Variants in XKR7 observed in about 807,000 individuals in gnomAD.
XKR7 encodes XK related 7.
Under a neutral mutation model 42.2 loss-of-function variants are expected in XKR7, and 11 were observed. That is an observed-to-expected ratio of 0.26 (90% CI 0.16 to 0.43). The LOEUF is 0.43. XKR7 is among the 20% of genes least tolerant of loss of function. The pLI, the probability that XKR7 is intolerant of heterozygous loss-of-function variation, is 1.00. For missense variants in XKR7, 710 were observed against 802.2 expected, an observed-to-expected ratio of 0.89 and a Z score of 1.39; for synonymous variants, 346 against 366.4, an observed-to-expected ratio of 0.94 and a Z score of 0.64.
Position 31,997,200 on chromosome 20 carries a change from A to AC in XKR7, c.1488dup (p.Thr497HisfsTer30). On this transcript the variant is annotated frameshift_variant, in exon 3 of 3. Coordinates refer to ENST00000562532, the MANE Select transcript of XKR7 (RefSeq NM_001011718.2). LOFTEE classifies it high-confidence loss of function. Reference sequence around the variant, plus strand: ...GGCCTCGGCGGGAGAGCGTGCAGGGACCCCCACCCCACCTGTCTTCCAGGT... The same window carrying AC: ...GGCCTCGGCGGGAGAGCGTGCAGGGACCCCCCACCCCACCTGTCTTCCAGGT... 1 of 1,608,086 alleles carries AC rather than the reference A, an allele frequency of 6.2e-7. No individual in the cohort carries two copies.
At position 31,997,345 on chromosome 20, in the gene XKR7, G is replaced by T; in HGVS notation, c.1628G>T (p.Arg543Leu). The change falls in exon 3 of 3, where the codon CGG becomes CTG. Residue 543 changes from arginine (R) to leucine (L), a missense_variant. By Grantham distance (102) the Arg-to-Leu change is moderately radical. This residue lies in a region of XKR7 where 708 missense variants were observed against 786.2 expected (regional missense o/e 0.90). Coordinates refer to ENST00000562532, the MANE Select transcript of XKR7 (RefSeq NM_001011718.2). ...TGGGATGCTCATTTTATTGACCGCC[G>T]GCTCCGGAAGACCATCCTGGCACTG... ...PAWDAHFIDR[R>L]LRKTILALEY... 2 of 1,606,234 alleles carry T rather than the reference G, an allele frequency of 1.2e-6. No homozygotes were observed.
At chr20:31,976,573 CG>C (rs1428194488) in intron 1 of XKR7, among the ~76,000 whole-genome samples, 3 of 151,948 alleles carry the variant, frequency 2.0e-5, no homozygotes, top group Admixed American at 6.6e-5. Flanking sequence ...TTAGTAGAAA[CG>C]GGGTTTCACC....
chr20:31,994,729 G>A (rs2064583162), intron 1 of XKR7, among the ~76,000 whole-genome samples: 1 of 152,050 alleles, frequency 6.6e-6, no homozygotes, highest in Non-Finnish European at 1.5e-5. Flanking sequence ...AGTAAGGGTC[G>A]GGTAACAGGG....
chr20:31,999,028 CA>C lies in XKR7; in HGVS notation c.*1572del, dbSNP rs11477689. ...CTCTAGCAGAGCTGGGAACCCAACC[CA>C]CCCCCCACCCCCCCACACACACACT... is the stretch of plus-strand genomic sequence containing the variant. On this transcript the variant is annotated 3_prime_UTR_variant, in exon 3 of 3. Transcript: ENST00000562532. The C allele has an allele frequency of 0.37, 48,266 of 132,034 alleles. 7,624 individuals carry two copies. Among genetic ancestry groups the C allele is most frequent in the African/African-American group, 0.56 (19,324 of 34,542 alleles). 8.2% of individuals were successfully genotyped at this position (132,034 alleles called of 1,614,324 possible).
chr20:31,998,342 T>C lies in XKR7; in HGVS notation c.*885T>C, dbSNP rs1319684114. The C allele has an allele frequency of 6.6e-6, 1 of 152,158 alleles. No individual in the cohort carries two copies. Among genetic ancestry groups the C allele is most frequent in the Admixed American group, 6.5e-5 (1 of 15,278 alleles). 9.4% of individuals were successfully genotyped at this position (152,158 alleles called of 1,614,324 possible). On this transcript the variant is annotated 3_prime_UTR_variant, in exon 3 of 3. Coordinates refer to ENST00000562532, the MANE Select transcript of XKR7 (RefSeq NM_001011718.2). ...CAGATAAGATGTCTGGAAAGATCTC[T>C]GGGCTCAAGTGCAGGTGAGGTTTTA...
At chr20:31,971,562 C>T (rs945311278) in intron 1 of XKR7, among the ~76,000 whole-genome samples, 1 of 152,174 alleles carries the variant, frequency 6.6e-6, no homozygotes, top group Non-Finnish European at 1.5e-5. Flanking sequence ...TTGCTTACCA[C>T]GTGAGATGTT....
intron 1 of XKR7, among the ~76,000 whole-genome samples, chr20:31,990,685 T>C (rs1293927310): frequency 1.3e-5 from 2 of 152,254 alleles, no homozygotes; most frequent in African/African-American, 4.8e-5. Context: ...CAAATTGTAG[T>C]TGACTGGCTG....
chr20:31,971,495 T>C (rs1445461495), intron 1 of XKR7, among the ~76,000 whole-genome samples: 5 of 152,162 alleles, frequency 3.3e-5, no homozygotes. Flanking sequence ...AGAGAAGGTA[T>C]AGAGAAGCTG....
chr20:31,975,100 G>A (rs2064479483), intron 1 of XKR7, among the ~76,000 whole-genome samples: 2 of 152,098 alleles, frequency 1.3e-5, no homozygotes, highest in East Asian at 1.9e-4. Context: ...AGCATCTGGG[G>A]CGCAGGTCCC....
intron 1 of XKR7, among the ~76,000 whole-genome samples, chr20:31,990,143 C>A (rs1167545645): frequency 6.6e-6 from 1 of 151,868 alleles, no homozygotes; most frequent in Non-Finnish European, 1.5e-5. Context: ...TCTATGGACA[C>A]CCTTTATAGT....
intron 1 of XKR7, among the ~76,000 whole-genome samples, chr20:31,992,116 T>TCAAAACAAAA (rs60216803): frequency 0.026 from 4,021 of 152,044 alleles, 172 homozygotes; most frequent in African/African-American, 0.09. Context: ...AAACTCTGTC[T>TCAAAACAAAA]CAAAACAAAA....
chr20:31,992,143 C>CAAAAACAAACAAAAAA (rs962636706), intron 1 of XKR7, among the ~76,000 whole-genome samples: 3 of 151,636 alleles, frequency 2.0e-5, no homozygotes, highest in African/African-American at 7.3e-5. Context: ...AAAACAAAAA[C>CAAAAACAAACAAAAAA]AAAAACAAAC....
rs2064613372 is a variant in XKR7 at position 31,999,369 on chromosome 20, C to G, written c.*1912C>G. The G allele has an allele frequency of 6.6e-6, 1 of 152,266 alleles. No individual in the cohort carries two copies. Among genetic ancestry groups the G allele is most frequent in the Non-Finnish European group, 1.5e-5 (1 of 68,118 alleles). The allele number at this position is 152,266 out of a possible 1,614,324, so 9.4% of individuals were successfully genotyped here. ...CTGCCCACATACACACAAGCACAAGCACAACCATGATACGGGTCACCCTCC... is the reference window on the plus strand; with the variant it reads ...CTGCCCACATACACACAAGCACAAGGACAACCATGATACGGGTCACCCTCC... On this transcript the variant is annotated 3_prime_UTR_variant, in exon 3 of 3. Coordinates refer to ENST00000562532, the MANE Select transcript of XKR7 (RefSeq NM_001011718.2).
chr20:31,995,080 C>A lies in XKR7; in HGVS notation c.597C>A (p.Ala199=). ...GTCCTTCCCGCAGGTACCTGCGCGC[C>A]CTGTACCTGGGGCTGCAGAGCCGCT... The part of the protein sequence containing the change: ...QLGQVWRYLR[A]LYLGLQSRWR... The change falls in exon 2 of 3, where the codon GCC becomes GCA. Residue 199 remains alanine, a synonymous_variant. Transcript: ENST00000562532. The surrounding 1 kb of genome is among the most constrained non-coding windows in gnomAD (Gnocchi z 4.1). 6.5e-7 allele frequency: 1 copy of A among 1,548,134 alleles called. No homozygotes were observed. The highest frequency in any genetic ancestry group is 2.4e-5 in the East Asian group (1 of 41,200).
At position 32,001,402 on chromosome 20, in the gene XKR7, T is replaced by C. The variant is rs1270405334; in HGVS notation, c.*3945T>C. 6.6e-6 allele frequency: 1 copy of C among 152,138 alleles called. No homozygotes were observed. Among genetic ancestry groups the C allele is most frequent in the Non-Finnish European group, 1.5e-5 (1 of 68,048 alleles). The allele number at this position is 152,138 out of a possible 1,614,324, so 9.4% of individuals were successfully genotyped here. On this transcript the variant is annotated 3_prime_UTR_variant, in exon 3 of 3. Coordinates refer to ENST00000562532, the MANE Select transcript of XKR7 (RefSeq NM_001011718.2). Reference sequence around the variant, plus strand: ...TCATATTTGGCCCACGTGCCACCAGTTTGAGACTTACGGTTCAAAATGTTG... The same window carrying C: ...TCATATTTGGCCCACGTGCCACCAGCTTGAGACTTACGGTTCAAAATGTTG...
intron 1 of XKR7, among the ~76,000 whole-genome samples, chr20:31,989,286 A>C (rs1403533592): frequency 7.4e-6 from 1 of 135,414 alleles, no homozygotes. Flanking sequence ...CCCCCCCCCC[A>C]GCGCATCTGG....
Position 31,995,006 on chromosome 20 carries a change from C to T in XKR7, c.585-62C>T. On this transcript the variant is annotated intron_variant, in intron 1 of 2. Transcript: ENST00000562532. This position sits in a 1 kb window ranked among gnomAD's most constrained non-coding sequence, Gnocchi z 4.1. ...CCCTGCGCCTGTGGGCGGCTCGGGGCTGGTGCGACAGAGCGAGAGGAACCA... is the reference window on the plus strand; with the variant it reads ...CCCTGCGCCTGTGGGCGGCTCGGGGTTGGTGCGACAGAGCGAGAGGAACCA... 6.5e-7 allele frequency: 1 copy of T among 1,533,416 alleles called. No homozygotes were observed. Among genetic ancestry groups the T allele is most frequent in the Non-Finnish European group, 8.7e-7 (1 of 1,144,272 alleles). The allele number at this position is 1,533,416 out of a possible 1,614,324, so 95.0% of individuals were successfully genotyped here.
chr20:31,980,963 G>A (rs1026672647), intron 1 of XKR7, among the ~76,000 whole-genome samples: 1 of 151,936 alleles, frequency 6.6e-6, no homozygotes, highest in Non-Finnish European at 1.5e-5. Context: ...TACTCAGGGG[G>A]CTGAGGTGGG....
chr20:31,988,641 T>C (rs577225436), intron 1 of XKR7, among the ~76,000 whole-genome samples: 2 of 152,170 alleles, frequency 1.3e-5, no homozygotes, highest in South Asian at 2.1e-4. Flanking sequence ...ATCTATGAAA[T>C]GGGGACAGCA....
Sources: allele counts gnomAD v4.1 joint callset (sites outside exome capture counted in the v4.1 genomes callset), GRCh38; gene constraint gnomAD v4.1.1; regional missense constraint gnomAD v4.1.1; non-coding constraint Gnocchi (gnomAD v3.1); transcripts MANE v1.5; gene names NCBI Gene and HGNC (gene_info 2026-07-23, HGNC 2026-07-21).